Variants in RABGAP1L observed in about 807,000 individuals in gnomAD.
RABGAP1L encodes rab GTPase-activating protein 1-like.
Under a neutral mutation model 137.7 loss-of-function variants are expected in RABGAP1L, and 63 were observed. The ratio of observed to expected loss-of-function variants is 0.46; its 90% CI spans 0.37 to 0.56. RABGAP1L has a LOEUF of 0.56. RABGAP1L is among the 20% of genes least tolerant of loss of function. The pLI is 0.00. For missense variants in RABGAP1L, 1,095 were observed against 1,244.0 expected, an observed-to-expected ratio of 0.88 and a Z score of 1.80; for synonymous variants, 431 against 433.7, an observed-to-expected ratio of 0.99 and a Z score of 0.08.
At chr1:174,250,438 C>T in intron 5 of RABGAP1L, 37 bp from the exon 6 acceptor site, 1 of 1,538,032 alleles carries the variant, frequency 6.5e-7, no homozygotes, top group South Asian at 1.2e-5. Context: ...GCAATTAAAA[C>T]CTTTGCCTAA....
At chr1:174,302,321 C>G (rs1444925461) in intron 10 of RABGAP1L, among the ~76,000 whole-genome samples, 1 of 152,132 alleles carries the variant, frequency 6.6e-6, no homozygotes, top group Non-Finnish European at 1.5e-5. Context: ...AGAAATAACA[C>G]TTGTTATTAC....
intron 13 of RABGAP1L, among the ~76,000 whole-genome samples, chr1:174,575,313 C>T (rs562450228): frequency 1.4e-4 from 21 of 152,172 alleles, no homozygotes; most frequent in African/African-American, 4.1e-4. Context: ...TACCATTTTC[C>T]AAAGTGTTTA....
intron 13 of RABGAP1L, among the ~76,000 whole-genome samples, chr1:174,617,935 C>T (rs886235719): frequency 6.6e-5 from 10 of 152,096 alleles, no homozygotes; most frequent in Admixed American, 6.5e-5. Context: ...AATCGGGTCA[C>T]TCCCACCCGA....
At chr1:174,775,814 A>G (rs964007863) in intron 18 of RABGAP1L, among the ~76,000 whole-genome samples, 11 of 152,156 alleles carry the variant, frequency 7.2e-5, no homozygotes, top group African/African-American at 2.7e-4. Context: ...CAGGTCTGTG[A>G]TGGTCCCTCA....
chr1:174,781,169 A>G (rs1196476737), intron 18 of RABGAP1L, among the ~76,000 whole-genome samples: 2 of 152,198 alleles, frequency 1.3e-5, no homozygotes, highest in Non-Finnish European at 2.9e-5. Context: ...TGGTTGAACT[A>G]GTTTACAGTC....
At chr1:174,922,937 G>A (rs958186331) in intron 19 of RABGAP1L, among the ~76,000 whole-genome samples, 7 of 152,036 alleles carry the variant, frequency 4.6e-5, no homozygotes, top group African/African-American at 1.7e-4. Flanking sequence ...ACTTTGGGAG[G>A]CCCAGGTAGA....
chr1:174,537,841 T>C (rs949979281), intron 13 of RABGAP1L, among the ~76,000 whole-genome samples: 3 of 152,196 alleles, frequency 2.0e-5, no homozygotes, highest in Non-Finnish European at 4.4e-5. Context: ...GAAACTAACT[T>C]TTAAGGAAGA....
At chr1:174,960,476 G>T (rs1668992648) in intron 20 of RABGAP1L, among the ~76,000 whole-genome samples, 1 of 152,118 alleles carries the variant, frequency 6.6e-6, no homozygotes, top group African/African-American at 2.4e-5. Context: ...ACAAAGAGAT[G>T]AAATAATGTT....
chr1:174,196,529 C>CG (rs1667704751), intron 1 of RABGAP1L, among the ~76,000 whole-genome samples: 1 of 151,286 alleles, frequency 6.6e-6, no homozygotes, highest in African/African-American at 2.4e-5. Flanking sequence ...ATTTCTTAAT[C>CG]CTTTTATTCT....
intron 13 of RABGAP1L, among the ~76,000 whole-genome samples, chr1:174,420,697 C>T (rs1448617600): frequency 2.4e-4 from 32 of 130,972 alleles, no homozygotes; most frequent in Non-Finnish European, 3.3e-4. Context: ...TTTTTTGAGA[C>T]GGAGTCTTGC....
At chr1:174,983,045 C>T in intron 24 of RABGAP1L, 140 bp downstream of exon 24, 5 of 879,938 alleles carry the variant, frequency 5.7e-6, no homozygotes, top group Non-Finnish European at 8.9e-6. Flanking sequence ...TACCTCTCTT[C>T]TGACCAGGTG....
At chr1:174,541,997 G>A (rs911801692) in intron 13 of RABGAP1L, among the ~76,000 whole-genome samples, 3 of 152,188 alleles carry the variant, frequency 2.0e-5, no homozygotes, top group Non-Finnish European at 4.4e-5. Context: ...TGGTTTGCCA[G>A]TATTTTATTG....
chr1:174,815,050 C>G (rs1465234339), intron 19 of RABGAP1L, among the ~76,000 whole-genome samples: 1 of 152,104 alleles, frequency 6.6e-6, no homozygotes, highest in Non-Finnish European at 1.5e-5. Context: ...ATCCCCAAAC[C>G]AAAAGGCTGA....
At chr1:174,528,858 G>C (rs1346683515) in intron 13 of RABGAP1L, among the ~76,000 whole-genome samples, 1 of 151,448 alleles carries the variant, frequency 6.6e-6, no homozygotes, top group Non-Finnish European at 1.5e-5. Flanking sequence ...ATTTTATGAT[G>C]TCTCACATAT....
chr1:174,711,776 C>G (rs1680543237), intron 17 of RABGAP1L, among the ~76,000 whole-genome samples: 1 of 152,246 alleles, frequency 6.6e-6, no homozygotes, highest in Admixed American at 6.5e-5. Context: ...CGCCCAAGGG[C>G]TGAGGAGTGT....
chr1:174,960,060 G>C (rs945387958), intron 20 of RABGAP1L, among the ~76,000 whole-genome samples: 2 of 152,144 alleles, frequency 1.3e-5, no homozygotes, highest in South Asian at 2.1e-4. Context: ...TGAGGGCATT[G>C]AGTGAGAACT....
At chr1:174,233,804 TG>T (rs1670905294) in intron 4 of RABGAP1L, among the ~76,000 whole-genome samples, 1 of 128,300 alleles carries the variant, frequency 7.8e-6, no homozygotes, top group African/African-American at 4.1e-5. Flanking sequence ...CTGGGTCAAA[TG>T]GTATTTCTAG....
chr1:174,279,501 A>G lies in RABGAP1L; in HGVS notation c.1323+722A>G, dbSNP rs1558094191. Among the ~76,000 whole-genome samples, 2 of 152,156 alleles carry G rather than the reference A, an allele frequency of 1.3e-5. 1 individual carries two copies. Among genetic ancestry groups the G allele is most frequent in the Admixed American group, 1.3e-4 (2 of 15,284 alleles). On this transcript the variant is annotated intron_variant, in intron 10 of 25. Coordinates refer to ENST00000681986, the MANE Select transcript of RABGAP1L (RefSeq NM_001366446.1). The stretch of plus-strand genomic sequence containing the variant: ...TAAAATGCTTGCTGCTTCATATACT[A>G]TAATATGTGGACTGCTGTGTGATAA...
intron 17 of RABGAP1L, among the ~76,000 whole-genome samples, chr1:174,746,192 T>C (rs1683849283): frequency 6.6e-6 from 1 of 152,258 alleles, no homozygotes; most frequent in South Asian, 2.1e-4. Context: ...TGCAAGATTG[T>C]GGGTGCTTAA....
Sources: allele counts gnomAD v4.1 joint callset (sites outside exome capture counted in the v4.1 genomes callset), GRCh38; gene constraint gnomAD v4.1.1; transcripts MANE v1.5; gene names NCBI Gene and HGNC (gene_info 2026-07-23, HGNC 2026-07-21).